LRRC17: variants seen among roughly 807,000 people sequenced by gnomAD.
The protein encoded by LRRC17 is leucine rich repeat containing 17.
LRRC17 carries 33 observed loss-of-function variants against 41.5 expected under a neutral mutation model. The observed-to-expected ratio is 0.80, with a 90% CI of 0.60 to 1.06. The LOEUF (loss-of-function observed/expected upper bound fraction) is 1.06. LRRC17 is among the 50% of genes least tolerant of loss of function. LRRC17 has a pLI of 0.00. For synonymous variants in LRRC17, 192 were observed against 197.0 expected, an observed-to-expected ratio of 0.97 and a Z score of 0.21; for missense variants, 491 against 519.3, an observed-to-expected ratio of 0.95 and a Z score of 0.53.
intron 3 of LRRC17, among the ~76,000 whole-genome samples, chr7:102,943,432 C>T (rs1821853677): frequency 6.6e-6 from 1 of 151,312 alleles, no homozygotes. Flanking sequence ...CTTTGAGTAA[C>T]AATATATTTC....
intron 1 of LRRC17, among the ~76,000 whole-genome samples, chr7:102,917,375 A>C (rs925566575): frequency 6.6e-6 from 1 of 152,250 alleles, no homozygotes. Flanking sequence ...TTAAAGAGCA[A>C]AGATCATAAT....
chr7:102,936,373 A>G (rs6947403), intron 2 of LRRC17: 116,620 of 152,154 alleles, frequency 0.77, 45,368 homozygotes, highest in Middle Eastern at 0.83. Flanking sequence ...GCCAGAGCCT[A>G]TGAGCTCTCT....
chr7:102,916,796 G>GC (rs1815962709), intron 1 of LRRC17, among the ~76,000 whole-genome samples: 1 of 151,036 alleles, frequency 6.6e-6, no homozygotes, highest in Admixed American at 6.6e-5. Context: ...TCTTATGGGG[G>GC]GGGGTGTGAG....
intron 1 of LRRC17, among the ~76,000 whole-genome samples, chr7:102,920,959 C>A (rs1584943816): frequency 6.6e-6 from 1 of 152,010 alleles, no homozygotes; most frequent in Non-Finnish European, 1.5e-5. Flanking sequence ...CGAGACCGGC[C>A]TGGCCAACAT....
chr7:102,924,238 CAA>C (rs564121170), intron 1 of LRRC17, among the ~76,000 whole-genome samples: 23 of 54,356 alleles, frequency 4.2e-4, no homozygotes, highest in Admixed American at 4.4e-4. Flanking sequence ...AACTCCGTCT[CAA>C]AAAAAAAAAA....
At chr7:102,932,055 A>AGCATTCCGTAAGGC in intron 1 of LRRC17, 1 of 864,890 alleles carries the variant, frequency 1.2e-6, no homozygotes. Flanking sequence ...GGCAAGTAAC[A>AGCATTCCGTAAGGC]TGTTCTAAGT....
intron 1 of LRRC17, chr7:102,933,560 G>A (rs755062305): frequency 6.0e-6 from 1 of 165,346 alleles, no homozygotes; most frequent in Non-Finnish European, 1.3e-5. Context: ...GATGACCCAG[G>A]TTGATACAGT....
At chr7:102,941,713 C>T (rs1821479759) in intron 3 of LRRC17, among the ~76,000 whole-genome samples, 2 of 149,150 alleles carry the variant, frequency 1.3e-5, no homozygotes, top group Admixed American at 6.7e-5. Context: ...TGTAGTTTAC[C>T]AACTATCAAT....
At chr7:102,935,242 C>CTTTTTT (rs71106700) in intron 2 of LRRC17, among the ~76,000 whole-genome samples, 5 of 76,402 alleles carry the variant, frequency 6.5e-5, no homozygotes, top group African/African-American at 2.3e-4. Flanking sequence ...TTTTTTCTTT[C>CTTTTTT]TTTTTTTTTT....
intron 1 of LRRC17, chr7:102,926,311 T>C: frequency 1.2e-6 from 2 of 1,613,976 alleles, no homozygotes. Flanking sequence ...GTGATAGTTG[T>C]GTTAGACAGA....
intron 1 of LRRC17, among the ~76,000 whole-genome samples, chr7:102,926,712 A>G (rs533762335): frequency 6.6e-6 from 1 of 152,334 alleles, no homozygotes; most frequent in East Asian, 1.9e-4. Context: ...GACTCTTCAT[A>G]TGCAGGAAAG....
intron 1 of LRRC17, among the ~76,000 whole-genome samples, chr7:102,929,663 C>CAA (rs35025022): frequency 0.036 from 3,249 of 90,350 alleles, 210 homozygotes; most frequent in African/African-American, 0.13. Flanking sequence ...GACTCCATCT[C>CAA]AAAAAAAAAA....
At chr7:102,925,848 T>TGA (rs944799849) in intron 1 of LRRC17, among the ~76,000 whole-genome samples, 2 of 148,948 alleles carry the variant, frequency 1.3e-5, no homozygotes, top group African/African-American at 5.0e-5. Flanking sequence ...GGCTGACGCA[T>TGA]GAGAATCGCT....
rs746300958 is a variant in LRRC17 at position 102,939,365 on chromosome 7, T to C, written c.773-65T>C. 100 of 1,374,642 alleles carry C rather than the reference T, an allele frequency of 7.3e-5. 1 individual carries two copies. The highest frequency in any genetic ancestry group is 9.7e-5 in the Non-Finnish European group (96 of 990,786). The allele number at this position is 1,374,642 out of a possible 1,614,324, so 85.2% of individuals were successfully genotyped here. The stretch of plus-strand genomic sequence containing the variant: ...AGCTGATTCTTCAATCACACAGATA[T>C]AACGGTGACCGAGGAAATGGGGGCA... On this transcript the variant is annotated intron_variant, in intron 2 of 3. Transcript: ENST00000339431.
intron 1 of LRRC17, among the ~76,000 whole-genome samples, chr7:102,914,319 C>T (rs1652061520): frequency 1.3e-5 from 2 of 152,198 alleles, no homozygotes; most frequent in South Asian, 2.1e-4. Flanking sequence ...GTGATCCACC[C>T]GCCTTGGCCT....
At chr7:102,914,151 C>A (rs1452584106) in intron 1 of LRRC17, among the ~76,000 whole-genome samples, 4 of 152,176 alleles carry the variant, frequency 2.6e-5, no homozygotes, top group Non-Finnish European at 4.4e-5. Flanking sequence ...ACCTCCTCCC[C>A]ACTCCCCCAA....
At chr7:102,919,517 C>T (rs771506760) in intron 1 of LRRC17, among the ~76,000 whole-genome samples, 8 of 152,004 alleles carry the variant, frequency 5.3e-5, no homozygotes, top group Non-Finnish European at 7.4e-5. Flanking sequence ...TGAAGGAACA[C>T]AATTAAGCTT....
intron 1 of LRRC17, among the ~76,000 whole-genome samples, chr7:102,927,744 T>G (rs1420314500): frequency 6.6e-6 from 1 of 152,168 alleles, no homozygotes; most frequent in East Asian, 1.9e-4. Context: ...GCTGTCAGCA[T>G]TTTTTCTAGA....
At chr7:102,942,826 A>G (rs1217457090) in intron 3 of LRRC17, among the ~76,000 whole-genome samples, 1 of 152,212 alleles carries the variant, frequency 6.6e-6, no homozygotes, top group African/African-American at 2.4e-5. Context: ...CTAATTCAAA[A>G]TAAGGACGCT....
Sources: gnomAD v4.1 joint callset for allele counts (sites outside exome capture counted in the v4.1 genomes callset) on GRCh38, gnomAD v4.1.1 for gene constraint, MANE v1.5 for transcripts, NCBI Gene and HGNC (gene_info 2026-07-23, HGNC 2026-07-21) for gene names.